The following MACROD2 variants were observed in gnomAD, a reference collection of about 807,000 sequenced individuals.
The protein encoded by MACROD2 is ADP-ribose glycohydrolase MACROD2.
MACROD2 carries 36 observed loss-of-function variants against 70.4 expected under a neutral mutation model. That is an observed-to-expected ratio of 0.51 (90% CI 0.39 to 0.68). MACROD2 has a LOEUF of 0.68. Ranked by LOEUF, MACROD2 falls within the 30% of genes least tolerant of loss-of-function variation. The pLI is 0.00. For missense variants in MACROD2, 496 were observed against 538.4 expected (o/e 0.92, Z 0.78); for synonymous variants, 172 against 178.8 (o/e 0.96, Z 0.30).
intron 5 of MACROD2, among the ~76,000 whole-genome samples, chr20:15,042,813 T>C (rs1258898759): frequency 6.6e-6 from 1 of 152,186 alleles, no homozygotes; most frequent in Non-Finnish European, 1.5e-5. Flanking sequence ...CTAGATTGTA[T>C]CTTGCAAATT....
chr20:14,823,829 A>G (rs1357852364), intron 5 of MACROD2, among the ~76,000 whole-genome samples: 1 of 151,998 alleles, frequency 6.6e-6, no homozygotes, highest in Non-Finnish European at 1.5e-5. Context: ...GAGGAAATAG[A>G]CTTTGGGATA....
At chr20:14,463,188 G>C (rs1385264857) in intron 3 of MACROD2, among the ~76,000 whole-genome samples, 1 of 152,000 alleles carries the variant, frequency 6.6e-6, no homozygotes, top group Non-Finnish European at 1.5e-5. Flanking sequence ...TCTTCCATTT[G>C]TTTATATCCT....
chr20:15,886,131 T>C (rs905383709), intron 10 of MACROD2, among the ~76,000 whole-genome samples: 3 of 152,156 alleles, frequency 2.0e-5, no homozygotes, highest in African/African-American at 7.2e-5. Context: ...CTCATGAGCA[T>C]AGCAGAGATA....
intron 5 of MACROD2, among the ~76,000 whole-genome samples, chr20:14,817,265 C>A (rs2072784447): frequency 1.3e-5 from 2 of 152,090 alleles, no homozygotes; most frequent in Admixed American, 6.6e-5. Flanking sequence ...CATTTGAAAT[C>A]GTGCTTGAAG....
At chr20:14,461,422 C>G (rs1021005876) in intron 3 of MACROD2, among the ~76,000 whole-genome samples, 3 of 151,692 alleles carry the variant, frequency 2.0e-5, no homozygotes, top group Non-Finnish European at 4.4e-5. Context: ...TTGTCTTTCT[C>G]TCCTTCAGTT....
intron 2 of MACROD2, among the ~76,000 whole-genome samples, chr20:14,023,592 G>C (rs1391267558): frequency 6.6e-6 from 1 of 152,172 alleles, no homozygotes; most frequent in African/African-American, 2.4e-5. Context: ...GTGTAAGGAA[G>C]GGGTCCAGTT....
At chr20:15,683,785 G>A (rs1484504837) in intron 8 of MACROD2, among the ~76,000 whole-genome samples, 2 of 152,046 alleles carry the variant, frequency 1.3e-5, no homozygotes, top group Non-Finnish European at 2.9e-5. Flanking sequence ...TCACCATGTC[G>A]GCCATGCTGG....
chr20:14,438,854 G>T (rs2084088561), intron 3 of MACROD2, among the ~76,000 whole-genome samples: 1 of 152,242 alleles, frequency 6.6e-6, no homozygotes, highest in South Asian at 2.1e-4. Flanking sequence ...AAAATAATTT[G>T]TAGGTTGTCT....
chr20:14,622,400 C>T (rs1173793302), intron 4 of MACROD2, among the ~76,000 whole-genome samples: 1 of 152,080 alleles, frequency 6.6e-6, no homozygotes, highest in Non-Finnish European at 1.5e-5. Context: ...ATGTGTACAG[C>T]ATTACCTTTT....
rs185909926 is a variant in MACROD2 at position 15,636,148 on chromosome 20, C to T, written c.645+136301C>T. Among the ~76,000 whole-genome samples, 405 of 148,656 alleles carry T rather than the reference C, an allele frequency of 2.7e-3. 1 individual carries two copies. The highest frequency in any genetic ancestry group is 4.0e-3 in the Non-Finnish European group (269 of 67,212). On this transcript the variant is annotated intron_variant, in intron 8 of 17. Coordinates refer to ENST00000684519, the MANE Select transcript of MACROD2 (RefSeq NM_001351661.2). ...AAAGAGGAAAAAAAAAAGAAATCCC[C>T]TAGGGCTAGGGATATTTGGAAATCC...
chr20:14,350,412 T>A (rs924397583), intron 3 of MACROD2, among the ~76,000 whole-genome samples: 2 of 152,100 alleles, frequency 1.3e-5, no homozygotes, highest in African/African-American at 4.8e-5. Context: ...GTCTTTTGGA[T>A]AAAAGACAGG....
chr20:14,249,128 G>GTTTT (rs1173672516), intron 3 of MACROD2, among the ~76,000 whole-genome samples: 20 of 103,060 alleles, frequency 1.9e-4, no homozygotes, highest in African/African-American at 5.8e-4. Context: ...GATTTCAAAG[G>GTTTT]TTTTTTTTTT....
chr20:14,260,532 G>A (rs910484215), intron 3 of MACROD2, among the ~76,000 whole-genome samples: 3 of 152,086 alleles, frequency 2.0e-5, no homozygotes, highest in African/African-American at 7.2e-5. Flanking sequence ...CGGACTCCTG[G>A]CCTCAAGGGA....
At chr20:14,831,686 A>G (rs2072967610) in intron 5 of MACROD2, among the ~76,000 whole-genome samples, 1 of 139,110 alleles carries the variant, frequency 7.2e-6, no homozygotes, top group African/African-American at 2.6e-5. Context: ...AGGCTGAGGC[A>G]GGAGAATCGC....
chr20:15,003,601 T>A (rs1361525018), intron 5 of MACROD2, among the ~76,000 whole-genome samples: 3 of 152,160 alleles, frequency 2.0e-5, no homozygotes, highest in Non-Finnish European at 4.4e-5. Flanking sequence ...GCTAACCCAC[T>A]CCCTATCTTG....
chr20:15,220,810 C>T (rs2076853899), intron 5 of MACROD2, among the ~76,000 whole-genome samples: 1 of 152,176 alleles, frequency 6.6e-6, no homozygotes, highest in South Asian at 2.1e-4. Flanking sequence ...GTCCTGTAGT[C>T]AGAAAAGCAC....
intron 4 of MACROD2, among the ~76,000 whole-genome samples, chr20:14,591,592 C>T (rs62202902): frequency 0.18 from 28,032 of 152,054 alleles, 3,329 homozygotes; most frequent in Non-Finnish European, 0.26. Context: ...CATTACTACC[C>T]CATGTCTACA....
At chr20:15,879,683 T>C (rs148079995) in intron 9 of MACROD2, among the ~76,000 whole-genome samples, 99 of 152,276 alleles carry the variant, frequency 6.5e-4, no homozygotes, top group African/African-American at 2.3e-3. Flanking sequence ...AGTCAGGTTT[T>C]TGCAGAGAAA....
At chr20:15,000,558 G>C (rs895295054) in intron 5 of MACROD2, among the ~76,000 whole-genome samples, 1 of 123,146 alleles carries the variant, frequency 8.1e-6, no homozygotes, top group Non-Finnish European at 1.6e-5. Context: ...GGGAAGCGGA[G>C]CTTGCAGTGA....
Sources: gnomAD v4.1 joint callset for allele counts (sites outside exome capture counted in the v4.1 genomes callset) on GRCh38, gnomAD v4.1.1 for gene constraint, MANE v1.5 for transcripts, NCBI Gene and HGNC (gene_info 2026-07-23, HGNC 2026-07-21) for gene names.